Variants in HS6ST2 observed in about 807,000 individuals in gnomAD.
HS6ST2 encodes the protein heparan sulfate 6-O-sulfotransferase 2.
Under a neutral mutation model 33.0 loss-of-function variants are expected in HS6ST2, and 17 were observed. The observed-to-expected ratio is 0.52, with a 90% CI of 0.35 to 0.77. The LOEUF is 0.77. HS6ST2 is among the 30% of genes least tolerant of loss of function. The pLI is 0.01. For synonymous variants in HS6ST2, 248 were observed against 237.1 expected (o/e 1.05, Z -0.42); for missense variants, 519 against 551.7 (o/e 0.94, Z 0.59).
chrX:132,894,468 TTGTTATGTTATGTTATGTTA>T lies in HS6ST2; in HGVS notation c.947+62320_947+62339del, dbSNP rs61054237. Reference sequence around the variant, plus strand: ...GGTTTCAGATTTTTTGAAATTCCTATTGTTATGTTATGTTATGTTATGTTATGTTATGTTATGTTATGTTA... The same window carrying T: ...GGTTTCAGATTTTTTGAAATTCCTATTGTTATGTTATGTTATGTTATGTTA... On this transcript the variant is annotated intron_variant, in intron 2 of 4. Transcript: ENST00000370833. Among the ~76,000 whole-genome samples the T allele has an allele frequency of 2.0e-3, 179 of 91,785 alleles. 2 individuals carry two copies. In the East Asian group the frequency reaches 0.035, roughly 18 times the overall value. The allele number at this position is 91,785 out of a possible 115,157, so 79.7% of individuals were successfully genotyped here. A position where few individuals can be genotyped will look rare whatever the true frequency, so the allele number is the denominator to read the frequency against.
At chrX:132,757,449 T>C (rs2064766841) in intron 2 of HS6ST2, among the ~76,000 whole-genome samples, 1 of 111,712 alleles carries the variant, frequency 9.0e-6, no homozygotes, top group Non-Finnish European at 1.9e-5. Flanking sequence ...CTGGCCACTC[T>C]CTGCCAGGGA....
At chrX:132,779,727 C>A (rs1020496668) in intron 2 of HS6ST2, among the ~76,000 whole-genome samples, 15 of 109,180 alleles carry the variant, frequency 1.4e-4, no homozygotes, top group African/African-American at 5.3e-4. Context: ...TTTCTTGAAC[C>A]TTTACCATGT....
At position 132,934,483 on chromosome X, in the gene HS6ST2, GAGA is replaced by G. The variant is rs1453090201; in HGVS notation, c.947+22322_947+22324del. ...TTATAACAATAACAGCACAAAAAGAGAGAAGAAGAAACAGAGCTATCTAGGAAA... is the reference window on the plus strand; with the variant it reads ...TTATAACAATAACAGCACAAAAAGAGAGAAGAAACAGAGCTATCTAGGAAA... On this transcript the variant is annotated intron_variant, in intron 2 of 4. Transcript: ENST00000370833. 4.5e-5 allele frequency among the ~76,000 whole-genome samples: 5 copies of G among 111,936 alleles called. No individual in the cohort carries two copies. The South Asian group carries it at 1.5e-3, about 33-fold the overall frequency.
chrX:132,853,396 C>A lies in HS6ST2; in HGVS notation c.947+103412G>T, dbSNP rs777138672. 1.6e-4 allele frequency among the ~76,000 whole-genome samples: 17 copies of A among 107,304 alleles called. No homozygotes were observed. The Admixed American group carries it at 1.6e-3, about 10-fold the overall frequency. The allele number at this position is 107,304 out of a possible 115,157, so 93.2% of individuals were successfully genotyped here. A position where few individuals can be genotyped will look rare whatever the true frequency, so the allele number is the denominator to read the frequency against. Reference sequence around the variant, plus strand: ...CTTGTCTTGAATTCCTGGGCTCAAGCGATCCTCCTGCCTCAGCCTCCCAAA... The same window carrying A: ...CTTGTCTTGAATTCCTGGGCTCAAGAGATCCTCCTGCCTCAGCCTCCCAAA... On this transcript the variant is annotated intron_variant, in intron 2 of 4. Coordinates refer to ENST00000370833, the MANE Select transcript of HS6ST2 (RefSeq NM_001394073.1).
intron 3 of HS6ST2, among the ~76,000 whole-genome samples, chrX:132,670,282 A>G (rs1454849839): frequency 8.9e-6 from 1 of 112,130 alleles, no homozygotes; most frequent in Non-Finnish European, 1.9e-5. Flanking sequence ...AGTATCTCCA[A>G]AATAGATGTC....
At chrX:132,853,027 C>T (rs878864190) in intron 2 of HS6ST2, among the ~76,000 whole-genome samples, 1 of 112,451 alleles carries the variant, frequency 8.9e-6, no homozygotes, top group Non-Finnish European at 1.9e-5. Context: ...TCTATAATCT[C>T]CCAACACACC....
rs768144569 is a variant in HS6ST2, at chrX:132,838,311, G to A, written c.947+118497C>T. ...ATGTCACTCATCAGATGAGATCCCA[G>A]GAACCATCCGCTGGTTGCCCTGTAT... On this transcript the variant is annotated intron_variant, in intron 2 of 4. Coordinates refer to ENST00000370833, the MANE Select transcript of HS6ST2 (RefSeq NM_001394073.1). 1.2e-3 allele frequency among the ~76,000 whole-genome samples: 134 copies of A among 111,516 alleles called. 5 individuals are homozygous for A. Among genetic ancestry groups the A allele is most frequent in the Admixed American group, 1.0e-3 (11 of 10,513 alleles).
At chrX:132,912,519 G>T (rs1317201113) in intron 2 of HS6ST2, among the ~76,000 whole-genome samples, 3 of 112,682 alleles carry the variant, frequency 2.7e-5, no homozygotes, top group Non-Finnish European at 5.6e-5. Flanking sequence ...AAGGAGTCAG[G>T]GTCATCTGTA....
chrX:132,869,945 G>C (rs369040824), intron 2 of HS6ST2, among the ~76,000 whole-genome samples: 12 of 111,250 alleles, frequency 1.1e-4, no homozygotes, highest in Middle Eastern at 4.7e-3. Context: ...AGAAATAAAG[G>C]GTATTCAAAT....
chrX:132,877,046 G>C (rs1340853062), intron 2 of HS6ST2, among the ~76,000 whole-genome samples: 1 of 111,953 alleles, frequency 8.9e-6, no homozygotes, highest in Non-Finnish European at 1.9e-5. Context: ...GCATTTTATA[G>C]CTGAGAAGTT....
Position 132,957,121 on chromosome X carries a change from G to A in HS6ST2, c.634C>T (p.Arg212Cys). The change falls in exon 2 of 5, where the codon CGC becomes TGC. Residue 212 changes from arginine (R) to cysteine (C), a missense_variant. By Grantham distance (180) the Arg-to-Cys change is radical. Coordinates refer to ENST00000370833, the MANE Select transcript of HS6ST2 (RefSeq NM_001394073.1). ...ARFVPRYNFT[R>C]GDLLRKVDFD... ...TCTACCTTGCGCAGGAGGTCGCCGC[G>A]GGTGAAATTGTAGCGGGGCACGAAC... 1 of 1,211,660 alleles carries A rather than the reference G, an allele frequency of 8.3e-7. No individual in the cohort carries two copies. The highest frequency in any genetic ancestry group is 1.8e-5 in the South Asian group (1 of 56,967).
chrX:132,895,598 A>T (rs1172231789), intron 2 of HS6ST2, among the ~76,000 whole-genome samples: 1 of 111,786 alleles, frequency 8.9e-6, no homozygotes, highest in Non-Finnish European at 1.9e-5. Context: ...CAGGCATTAG[A>T]TGAGGGCTTT....
rs761397973 is a variant in HS6ST2, at chrX:132,820,420, G to A, written c.948-111926C>T. On this transcript the variant is annotated intron_variant, in intron 2 of 4. Coordinates refer to ENST00000370833, the MANE Select transcript of HS6ST2 (RefSeq NM_001394073.1). ...GTAGATGGAGGTAGGTAGGAGAGGG[G>A]GCAGCCAGAGGACTGATAATGATCC... 2.7e-5 allele frequency among the ~76,000 whole-genome samples: 3 copies of A among 111,523 alleles called. No homozygotes were observed. In the East Asian group the frequency reaches 8.5e-4, roughly 32 times the overall value.
intron 2 of HS6ST2, among the ~76,000 whole-genome samples, chrX:132,940,657 G>T (rs2066877022): frequency 8.9e-6 from 1 of 111,947 alleles, no homozygotes; most frequent in Admixed American, 9.5e-5. Flanking sequence ...ATACTCAAAT[G>T]GGCAATAGGC....
At chrX:132,795,594 C>T (rs778970111) in intron 2 of HS6ST2, among the ~76,000 whole-genome samples, 1 of 111,664 alleles carries the variant, frequency 9.0e-6, no homozygotes, top group South Asian at 3.8e-4. Flanking sequence ...AGAACAAAGG[C>T]CTTGAAGTCA....
intron 4 of HS6ST2, among the ~76,000 whole-genome samples, chrX:132,632,587 G>A (rs961306991): frequency 1.8e-5 from 2 of 110,115 alleles, no homozygotes; most frequent in Non-Finnish European, 3.8e-5. Context: ...CCTAATGTGT[G>A]CCTGGCACTA....
intron 2 of HS6ST2, among the ~76,000 whole-genome samples, chrX:132,823,274 T>A (rs943278464): frequency 1.8e-5 from 2 of 111,842 alleles, no homozygotes; most frequent in African/African-American, 3.3e-5. Context: ...CATATTTTTT[T>A]AATTTTTTTA....
chrX:132,802,278 T>C (rs1413948052), intron 2 of HS6ST2, among the ~76,000 whole-genome samples: 3 of 111,850 alleles, frequency 2.7e-5, no homozygotes. Context: ...ACTTATGTAA[T>C]CTGCTTATTG....
At chrX:132,879,534 A>G (rs753989443) in intron 2 of HS6ST2, among the ~76,000 whole-genome samples, 68 of 111,980 alleles carry the variant, frequency 6.1e-4, no homozygotes, top group African/African-American at 2.1e-3. Context: ...TTGAAAACCT[A>G]TACTATTCAA....
Sources: allele counts gnomAD v4.1 joint callset (sites outside exome capture counted in the v4.1 genomes callset), GRCh38; gene constraint gnomAD v4.1.1; transcripts MANE v1.5; gene names NCBI Gene and HGNC (gene_info 2026-07-23, HGNC 2026-07-21).